Variants in ATP9A observed in about 807,000 individuals in gnomAD.
The protein encoded by ATP9A is ATPase phospholipid transporting 9A.
ATP9A carries 52 observed loss-of-function variants against 144.1 expected under a neutral mutation model. The observed-to-expected ratio is 0.36, with a 90% CI of 0.29 to 0.45. The LOEUF is 0.45. Ranked by LOEUF, ATP9A falls within the 20% of genes least tolerant of loss-of-function variation. The pLI is 1.00. For synonymous variants in ATP9A, 582 were observed against 557.4 expected, an observed-to-expected ratio of 1.04 and a Z score of -0.62; for missense variants, 947 against 1,392.7, an observed-to-expected ratio of 0.68 and a Z score of 5.09.
intron 1 of ATP9A, among the ~76,000 whole-genome samples, chr20:51,747,647 G>C (rs1047030747): frequency 2.5e-4 from 38 of 152,198 alleles, no homozygotes; most frequent in Non-Finnish European, 7.3e-5. Flanking sequence ...GGTGCTTCCA[G>C]CAGATGGGCA....
intron 4 of ATP9A, among the ~76,000 whole-genome samples, chr20:51,705,286 G>A (rs1395390696): frequency 1.3e-5 from 2 of 152,108 alleles, no homozygotes; most frequent in Non-Finnish European, 2.9e-5. Context: ...CTAGATAATG[G>A]TACAACATGG....
chr20:51,698,401 T>C (rs565541019), intron 4 of ATP9A, among the ~76,000 whole-genome samples: 2 of 152,324 alleles, frequency 1.3e-5, no homozygotes, highest in African/African-American at 2.4e-5. Flanking sequence ...CACATGCCTA[T>C]AGTCCCGGCT....
chr20:51,627,579 A>C (rs765110603), intron 17 of ATP9A, 21 bp downstream of exon 17: 1 of 1,610,814 alleles, frequency 6.2e-7, no homozygotes. Flanking sequence ...AAGGCAATGG[A>C]AAGGTCCCAG....
At chr20:51,736,040 G>A (rs73911386) in intron 1 of ATP9A, among the ~76,000 whole-genome samples, 2,297 of 152,342 alleles carry the variant, frequency 0.015, 54 homozygotes, top group African/African-American at 0.05. Context: ...CTCCGGGAAT[G>A]GGTGGCCAGG....
At chr20:51,740,986 A>C (rs2077782426) in intron 1 of ATP9A, among the ~76,000 whole-genome samples, 1 of 152,114 alleles carries the variant, frequency 6.6e-6, no homozygotes, top group Non-Finnish European at 1.5e-5. Context: ...GGCGGCTTCT[A>C]CCACATGTGG....
intron 15 of ATP9A, among the ~76,000 whole-genome samples, chr20:51,634,588 G>A (rs900926221): frequency 3.9e-5 from 6 of 152,068 alleles, no homozygotes; most frequent in Admixed American, 3.3e-4. Context: ...CGAGCGTGGC[G>A]GCTCACTTCT....
chr20:51,755,138 T>C (rs770959829), intron 1 of ATP9A, among the ~76,000 whole-genome samples: 19 of 150,418 alleles, frequency 1.3e-4, no homozygotes, highest in Non-Finnish European at 2.4e-4. Flanking sequence ...AAATAAGTAA[T>C]AAATAAATAA....
At chr20:51,623,114 G>A (rs879679073) in intron 18 of ATP9A, among the ~76,000 whole-genome samples, 32 of 152,130 alleles carry the variant, frequency 2.1e-4, no homozygotes, top group Non-Finnish European at 3.8e-4. Context: ...GGAAGGCACC[G>A]GGCACCTCTC....
chr20:51,626,538 C>A (rs1288702055), intron 17 of ATP9A, among the ~76,000 whole-genome samples: 1 of 150,050 alleles, frequency 6.7e-6, no homozygotes, highest in Non-Finnish European at 1.5e-5. Context: ...GAACCAGATG[C>A]GGTGGCTCAC....
intron 15 of ATP9A, among the ~76,000 whole-genome samples, chr20:51,636,683 A>G (rs1222656926): frequency 6.6e-6 from 1 of 152,158 alleles, no homozygotes; most frequent in Non-Finnish European, 1.5e-5. Flanking sequence ...GTGAACTTGA[A>G]CGGTTTCTGA....
At chr20:51,637,793 C>T (rs928028352) in intron 15 of ATP9A, among the ~76,000 whole-genome samples, 3 of 150,764 alleles carry the variant, frequency 2.0e-5, no homozygotes, top group Non-Finnish European at 4.4e-5. Context: ...GATTTTCGTG[C>T]ACCCATCACC....
chr20:51,733,744 G>A (rs1462542143), intron 1 of ATP9A, among the ~76,000 whole-genome samples: 2 of 151,474 alleles, frequency 1.3e-5, no homozygotes, highest in Non-Finnish European at 2.9e-5. Context: ...TACAATCACA[G>A]CTCACTGCAG....
At chr20:51,747,876 A>C (rs2077815151) in intron 1 of ATP9A, among the ~76,000 whole-genome samples, 1 of 152,188 alleles carries the variant, frequency 6.6e-6, no homozygotes, top group South Asian at 2.1e-4. Flanking sequence ...ACCCTCCTGC[A>C]GCCAAGGCAG....
chr20:51,761,885 C>T (rs1472094873), intron 1 of ATP9A, among the ~76,000 whole-genome samples: 2 of 152,174 alleles, frequency 1.3e-5, no homozygotes, highest in African/African-American at 2.4e-5. Context: ...TCAGCAGAGC[C>T]GTGTTCCTTC....
chr20:51,760,135 T>C (rs2077872783), intron 1 of ATP9A, among the ~76,000 whole-genome samples: 1 of 152,142 alleles, frequency 6.6e-6, no homozygotes, highest in Non-Finnish European at 1.5e-5. Context: ...GAAGAACTAG[T>C]ATCTCTAAGC....
chr20:51,713,793 A>G (rs188110274), intron 3 of ATP9A, among the ~76,000 whole-genome samples: 2 of 152,336 alleles, frequency 1.3e-5, no homozygotes, highest in East Asian at 3.9e-4. Context: ...GATTCTATAC[A>G]ATTAAATGTT....
At chr20:51,747,410 A>T (rs997029768) in intron 1 of ATP9A, among the ~76,000 whole-genome samples, 2 of 152,184 alleles carry the variant, frequency 1.3e-5, no homozygotes, top group Non-Finnish European at 2.9e-5. Context: ...ACACCCCGGA[A>T]ATGACAAAGG....
At chr20:51,613,921 G>C (rs2077193590) in intron 22 of ATP9A, 89 bp from the exon 23 acceptor site, 1 of 1,352,298 alleles carries the variant, frequency 7.4e-7, no homozygotes, top group Non-Finnish European at 1.0e-6. Context: ...GACATTGTAG[G>C]AAATCTTTGA....
chr20:51,702,365 CGTGTGT>C (rs10578719), intron 4 of ATP9A, among the ~76,000 whole-genome samples: 1,340 of 130,288 alleles, frequency 0.01, 11 homozygotes, highest in South Asian at 0.041. Flanking sequence ...TGTGTGTGTT[CGTGTGT>C]GTGTGTGTGT....
Sources: allele counts gnomAD v4.1 joint callset (sites outside exome capture counted in the v4.1 genomes callset), GRCh38; gene constraint gnomAD v4.1.1; transcripts MANE v1.5; gene names NCBI Gene and HGNC (gene_info 2026-07-23, HGNC 2026-07-21).